Variants in TENM3 observed in about 807,000 individuals in gnomAD.
TENM3 encodes the protein teneurin transmembrane protein 3, also known as teneurin-3.
In TENM3, 63 loss-of-function variants were observed where a neutral mutation model predicts 255.1. The ratio of observed to expected loss-of-function variants is 0.25; its 90% CI spans 0.20 to 0.30. The LOEUF is 0.30. Ranked by LOEUF, TENM3 falls within the 10% of genes least tolerant of loss-of-function variation. The pLI, the probability that TENM3 is intolerant of heterozygous loss-of-function variation, is 1.00. For synonymous variants in TENM3, 1,306 were observed against 1,322.3 expected (o/e 0.99, Z 0.27); for missense variants, 2,929 against 3,461.1 (o/e 0.85, Z 3.86).
At chr4:182,796,544 T>A (rs1169391571) in intron 26 of TENM3, 93 bp from the exon 27 acceptor site, 4 of 1,200,102 alleles carry the variant, frequency 3.3e-6, no homozygotes, top group Admixed American at 3.2e-5. Context: ...TTATTAATTG[T>A]GAAATTGGAT....
the TENM3 span, among the ~76,000 whole-genome samples, chr4:181,595,748 C>T: frequency 6.6e-6 from 1 of 152,092 alleles, no homozygotes; most frequent in East Asian, 1.9e-4. Flanking sequence ...GCCACAATGA[C>T]CTCCTATCTT....
chr4:181,914,026 T>A, the TENM3 span, among the ~76,000 whole-genome samples: 24 of 152,308 alleles, frequency 1.6e-4, no homozygotes, highest in African/African-American at 5.3e-4. Flanking sequence ...TGCGATCACC[T>A]CTCAACTGCA....
chr4:182,219,773 C>T (rs1315290587), intron 1 of TENM3, among the ~76,000 whole-genome samples: 2 of 152,286 alleles, frequency 1.3e-5, no homozygotes, highest in East Asian at 1.9e-4. Context: ...TTTCAGTTTA[C>T]ATTGCAAACT....
chr4:182,727,895 C>G lies in TENM3; in HGVS notation c.2369-1070C>G, dbSNP rs80034272. 2.1e-3 allele frequency among the ~76,000 whole-genome samples: 299 copies of G among 140,760 alleles called. 8 individuals are homozygous for G. The East Asian group carries it at 0.05, about 24-fold the overall frequency. 92.3% of individuals were successfully genotyped at this position (140,760 alleles called of 152,430 possible). Reference sequence around the variant, plus strand: ...TTTTTTTTTTTGAGACAGTTTTGCTCTGTTGCCCAGGCTGGAGTGCAGTGG... The same window carrying G: ...TTTTTTTTTTTGAGACAGTTTTGCTGTGTTGCCCAGGCTGGAGTGCAGTGG... On this transcript the variant is annotated intron_variant, in intron 13 of 27. Transcript: ENST00000511685.
chr4:182,624,983 G>T (rs998391248), intron 4 of TENM3, among the ~76,000 whole-genome samples: 3 of 152,164 alleles, frequency 2.0e-5, no homozygotes, highest in Non-Finnish European at 1.5e-5. Flanking sequence ...AAGTAGTAAC[G>T]TCTGAGCTGA....
intron 1 of TENM3, among the ~76,000 whole-genome samples, chr4:182,264,757 T>C (rs896186952): frequency 6.6e-6 from 1 of 152,234 alleles, no homozygotes; most frequent in African/African-American, 2.4e-5. Context: ...ACTAAAAATA[T>C]TGGCCACTTG....
At chr4:182,763,200 T>TTGA (rs1763357641) in intron 22 of TENM3, among the ~76,000 whole-genome samples, 1 of 152,206 alleles carries the variant, frequency 6.6e-6, no homozygotes, top group Admixed American at 6.5e-5. Context: ...AAGTAGTTAA[T>TTGA]TGATTAAGCA....
At chr4:182,770,783 C>T (rs931869300) in intron 22 of TENM3, among the ~76,000 whole-genome samples, 4 of 152,206 alleles carry the variant, frequency 2.6e-5, no homozygotes, top group Non-Finnish European at 4.4e-5. Flanking sequence ...TATCCTCACG[C>T]TTTAGCTTGC....
intron 11 of TENM3, among the ~76,000 whole-genome samples, chr4:182,686,799 T>C (rs1238194380): frequency 6.6e-6 from 1 of 152,122 alleles, no homozygotes; most frequent in Non-Finnish European, 1.5e-5. Context: ...GAAAAATTGA[T>C]TAGATTGAAT....
chr4:182,539,233 C>G (rs778944721), intron 3 of TENM3, among the ~76,000 whole-genome samples: 4 of 151,152 alleles, frequency 2.6e-5, no homozygotes, highest in Non-Finnish European at 5.9e-5. Context: ...TCCCTGCAGG[C>G]AAGAGAAGAG....
At chr4:182,731,906 T>G (rs969472754) in intron 16 of TENM3, among the ~76,000 whole-genome samples, 4 of 151,912 alleles carry the variant, frequency 2.6e-5, no homozygotes, top group African/African-American at 9.7e-5. Flanking sequence ...CTCAGACTCC[T>G]GAGTAGCTGA....
the TENM3 span, among the ~76,000 whole-genome samples, chr4:181,624,274 G>T: frequency 6.6e-6 from 1 of 152,132 alleles, no homozygotes; most frequent in Admixed American, 6.6e-5. Context: ...CCCCAGCATC[G>T]CCACTCGCTG....
the TENM3 span, among the ~76,000 whole-genome samples, chr4:181,740,363 A>G: frequency 6.6e-6 from 1 of 152,212 alleles, no homozygotes; most frequent in Non-Finnish European, 1.5e-5. Flanking sequence ...TGAGAATTTC[A>G]GAATATTAAC....
chr4:181,721,151 C>G, the TENM3 span, among the ~76,000 whole-genome samples: 1 of 150,992 alleles, frequency 6.6e-6, no homozygotes, highest in African/African-American at 2.4e-5. Context: ...ACATTATGTA[C>G]AAAGGCAGAG....
chr4:182,262,876 G>C (rs1271703277), intron 1 of TENM3, among the ~76,000 whole-genome samples: 1 of 151,850 alleles, frequency 6.6e-6, no homozygotes, highest in Non-Finnish European at 1.5e-5. Context: ...ACCACGCCCG[G>C]CTAATTGTTT....
At chr4:181,702,756 A>AT in the TENM3 span, among the ~76,000 whole-genome samples, 3 of 152,246 alleles carry the variant, frequency 2.0e-5, no homozygotes, top group East Asian at 1.9e-4. Context: ...GTAGTATTCT[A>AT]TTTTTTTGAA....
intron 3 of TENM3, among the ~76,000 whole-genome samples, chr4:182,525,367 T>C (rs1226005566): frequency 6.6e-6 from 1 of 152,208 alleles, no homozygotes; most frequent in African/African-American, 2.4e-5. Flanking sequence ...ATGCATATTA[T>C]CTCCAGTTTT....
the TENM3 span, among the ~76,000 whole-genome samples, chr4:181,984,390 G>A: frequency 3.3e-5 from 5 of 152,012 alleles, no homozygotes; most frequent in Admixed American, 3.3e-4. Flanking sequence ...TGTAAAATAA[G>A]TAAGTGCAAA....
At chr4:181,485,789 G>A in the TENM3 span, among the ~76,000 whole-genome samples, 1 of 152,044 alleles carries the variant, frequency 6.6e-6, no homozygotes, top group Admixed American at 6.6e-5. Context: ...AAATATAAAA[G>A]CAATGCCTAC....
Sources: allele counts gnomAD v4.1 joint callset (sites outside exome capture counted in the v4.1 genomes callset), GRCh38; gene constraint gnomAD v4.1.1; transcripts MANE v1.5; gene names NCBI Gene and HGNC (gene_info 2026-07-23, HGNC 2026-07-21).